The following MAML2 variants were observed in gnomAD, a reference collection of about 807,000 sequenced individuals.
MAML2 encodes the protein mastermind-like protein 2.
In MAML2, 22 loss-of-function variants were observed where a neutral mutation model predicts 96.1. That is an observed-to-expected ratio of 0.23 (90% CI 0.16 to 0.33). MAML2 has a LOEUF of 0.33. MAML2 is among the 10% of genes least tolerant of loss of function. The probability of loss-of-function intolerance (pLI) is 1.00; values close to 1 mark genes in which losing one functional copy is unlikely to be tolerated. For missense variants in MAML2, 1,367 were observed against 1,392.4 expected, an observed-to-expected ratio of 0.98 and a Z score of 0.29; for synonymous variants, 561 against 521.3, an observed-to-expected ratio of 1.08 and a Z score of -1.04.
At chr11:96,291,956 G>T (rs1186826286) in intron 1 of MAML2, among the ~76,000 whole-genome samples, 1 of 152,212 alleles carries the variant, frequency 6.6e-6, no homozygotes, top group African/African-American at 2.4e-5. Flanking sequence ...TCTTTATGCA[G>T]CATGTGAGTC....
At chr11:96,056,388 GA>G (rs34837308) in intron 2 of MAML2, among the ~76,000 whole-genome samples, 339 of 97,618 alleles carry the variant, frequency 3.5e-3, no homozygotes, top group African/African-American at 9.0e-3. Context: ...ATTTTCTGAG[GA>G]AAAAAAAAAA....
intron 1 of MAML2, among the ~76,000 whole-genome samples, chr11:96,130,038 T>A (rs1179384095): frequency 6.6e-6 from 1 of 152,260 alleles, no homozygotes; most frequent in Non-Finnish European, 1.5e-5. Flanking sequence ...ATTATAATGA[T>A]TCTGAGACCA....
chr11:96,043,386 A>G (rs894186338), intron 2 of MAML2, among the ~76,000 whole-genome samples: 1 of 152,212 alleles, frequency 6.6e-6, no homozygotes, highest in Non-Finnish European at 1.5e-5. Context: ...AACAACATAA[A>G]GAAGCCTTAT....
At chr11:96,331,753 G>A (rs566099218) in intron 1 of MAML2, among the ~76,000 whole-genome samples, 4 of 151,528 alleles carry the variant, frequency 2.6e-5, no homozygotes, top group South Asian at 2.1e-4. Flanking sequence ...AGGAGGCGGC[G>A]GTTGCAGTGA....
chr11:96,234,017 T>C (rs1862333986), intron 1 of MAML2, among the ~76,000 whole-genome samples: 1 of 152,210 alleles, frequency 6.6e-6, no homozygotes, highest in South Asian at 2.1e-4. Context: ...CCATCCTATA[T>C]TTAAGTCTTG....
At chr11:96,031,293 T>C (rs1858609670) in intron 2 of MAML2, among the ~76,000 whole-genome samples, 1 of 152,180 alleles carries the variant, frequency 6.6e-6, no homozygotes, top group Non-Finnish European at 1.5e-5. Context: ...ATTTATTTCA[T>C]TGAATCCTAT....
chr11:96,145,145 AAT>A (rs1860796042), intron 1 of MAML2, among the ~76,000 whole-genome samples: 1 of 152,220 alleles, frequency 6.6e-6, no homozygotes, highest in Non-Finnish European at 1.5e-5. Context: ...TCATTTTAAA[AAT>A]AGTGAAACTG....
At chr11:96,138,476 C>T (rs892287160) in intron 1 of MAML2, among the ~76,000 whole-genome samples, 1 of 152,146 alleles carries the variant, frequency 6.6e-6, no homozygotes, top group African/African-American at 2.4e-5. Flanking sequence ...CAAGGGTGCT[C>T]AGGAAATTTA....
chr11:96,225,970 G>A (rs545978408), intron 1 of MAML2, among the ~76,000 whole-genome samples: 1 of 152,174 alleles, frequency 6.6e-6, no homozygotes, highest in Non-Finnish European at 1.5e-5. Context: ...ATCAAAAATT[G>A]TAATCTGGAA....
intron 1 of MAML2, among the ~76,000 whole-genome samples, chr11:96,128,218 A>AC (rs536379137): frequency 1.5e-3 from 222 of 152,172 alleles, no homozygotes; most frequent in Non-Finnish European, 2.1e-3. Flanking sequence ...ATATGGTGAG[A>AC]CCCCATCTCT....
intron 1 of MAML2, among the ~76,000 whole-genome samples, chr11:96,146,673 G>A (rs144221097): frequency 0.01 from 1,545 of 152,218 alleles, 18 homozygotes; most frequent in Admixed American, 0.022. Flanking sequence ...CAGCATCAGG[G>A]TTTTCTACAC....
intron 1 of MAML2, among the ~76,000 whole-genome samples, chr11:96,197,727 G>A (rs531669064): frequency 6.6e-6 from 1 of 152,092 alleles, no homozygotes; most frequent in East Asian, 1.9e-4. Flanking sequence ...TAGCTCAACA[G>A]GCACATCATT....
intron 1 of MAML2, among the ~76,000 whole-genome samples, chr11:96,169,157 G>A (rs958844985): frequency 2.0e-5 from 3 of 152,172 alleles, no homozygotes; most frequent in Admixed American, 6.5e-5. Context: ...AGGCCTGAAC[G>A]AGTTAATAAC....
chr11:96,078,922 G>A (rs1034461155), intron 2 of MAML2, among the ~76,000 whole-genome samples: 1 of 152,108 alleles, frequency 6.6e-6, no homozygotes, highest in African/African-American at 2.4e-5. Context: ...AAGGTGTGGA[G>A]CTTGGAGTAG....
At chr11:96,294,071 G>C (rs1193602937) in intron 1 of MAML2, among the ~76,000 whole-genome samples, 1 of 152,192 alleles carries the variant, frequency 6.6e-6, no homozygotes, top group East Asian at 1.9e-4. Flanking sequence ...TTCAGCATTA[G>C]TTAGGTTTTA....
chr11:96,273,755 C>T (rs1773093022), intron 1 of MAML2, among the ~76,000 whole-genome samples: 2 of 152,076 alleles, frequency 1.3e-5, no homozygotes, highest in African/African-American at 4.8e-5. Flanking sequence ...TTAAATAAGA[C>T]AATTTGTAGG....
intron 2 of MAML2, among the ~76,000 whole-genome samples, chr11:96,004,547 G>C (rs1372984531): frequency 6.6e-6 from 1 of 152,066 alleles, no homozygotes; most frequent in African/African-American, 2.4e-5. Context: ...AGATAGCAAA[G>C]TGAGAAATCC....
chr11:95,996,983 G>A (rs1858001800), intron 2 of MAML2, among the ~76,000 whole-genome samples: 1 of 152,152 alleles, frequency 6.6e-6, no homozygotes, highest in Admixed American at 6.6e-5. Context: ...ATGCATGCAT[G>A]TGTGTGATTG....
At chr11:96,090,684 T>A (rs994143408) in intron 2 of MAML2, among the ~76,000 whole-genome samples, 1 of 152,232 alleles carries the variant, frequency 6.6e-6, no homozygotes, top group Admixed American at 6.5e-5. Context: ...TATAATTTTT[T>A]AAAAACACAC....
Sources: gnomAD v4.1 joint callset for allele counts (sites outside exome capture counted in the v4.1 genomes callset) on GRCh38, gnomAD v4.1.1 for gene constraint, MANE v1.5 for transcripts, NCBI Gene and HGNC (gene_info 2026-07-23, HGNC 2026-07-21) for gene names.